Variants in REDIC1 observed in about 807,000 individuals in gnomAD.
The protein encoded by REDIC1 is HEI10 Interacting Protein 1.
At chr12:39,807,950 A>G in the REDIC1 span, among the ~76,000 whole-genome samples, 1 of 152,184 alleles carries the variant, frequency 6.6e-6, no homozygotes, top group African/African-American at 2.4e-5. Context: ...AATTCTTGGA[A>G]GTCAAGAAAT....
At chr12:39,629,549 C>G in the REDIC1 span, among the ~76,000 whole-genome samples, 1 of 152,074 alleles carries the variant, frequency 6.6e-6, no homozygotes, top group Non-Finnish European at 1.5e-5. Flanking sequence ...GGCATTTGAC[C>G]CTTTGCTGCT....
the REDIC1 span, among the ~76,000 whole-genome samples, chr12:39,675,551 A>G: frequency 2.0e-5 from 3 of 152,222 alleles, no homozygotes; most frequent in Admixed American, 2.0e-4. Flanking sequence ...CCAAAGAAGG[A>G]GAAAACAACA....
the REDIC1 span, among the ~76,000 whole-genome samples, chr12:39,671,954 G>T: frequency 2.0e-5 from 3 of 152,274 alleles, no homozygotes; most frequent in South Asian, 6.2e-4. Flanking sequence ...CAGGAGGTAT[G>T]CTTGGGCAGT....
the REDIC1 span, among the ~76,000 whole-genome samples, chr12:39,855,558 A>G: frequency 6.6e-6 from 1 of 152,198 alleles, no homozygotes; most frequent in African/African-American, 2.4e-5. Flanking sequence ...TGTGAGCTCC[A>G]TGAGGAGGAA....
At chr12:39,886,411 T>A in the REDIC1 span, among the ~76,000 whole-genome samples, 1 of 152,050 alleles carries the variant, frequency 6.6e-6, no homozygotes, top group Non-Finnish European at 1.5e-5. Flanking sequence ...CTTTCACAGC[T>A]GACAGCAAAA....
At chr12:39,785,027 T>C in the REDIC1 span, among the ~76,000 whole-genome samples, 1 of 152,168 alleles carries the variant, frequency 6.6e-6, no homozygotes, top group Non-Finnish European at 1.5e-5. Flanking sequence ...TGCAGCCTTA[T>C]GATGTAGTAG....
At chr12:39,749,304 A>C in the REDIC1 span, among the ~76,000 whole-genome samples, 1 of 152,214 alleles carries the variant, frequency 6.6e-6, no homozygotes, top group African/African-American at 2.4e-5. Flanking sequence ...CTACACAAAT[A>C]AACTAGAAAA....
chr12:39,667,006 T>C, the REDIC1 span, among the ~76,000 whole-genome samples: 3 of 149,488 alleles, frequency 2.0e-5, no homozygotes, highest in African/African-American at 7.3e-5. Context: ...GTTGATCTTT[T>C]CAAAAAACCA....
At chr12:39,829,713 TA>T in the REDIC1 span, 2 of 242,316 alleles carry the variant, frequency 8.3e-6, no homozygotes, top group African/African-American at 4.5e-5. Context: ...GTGCCCAACC[TA>T]ACGTGATAGT....
chr12:39,718,689 G>C, the REDIC1 span, among the ~76,000 whole-genome samples: 3 of 151,836 alleles, frequency 2.0e-5, no homozygotes, highest in Non-Finnish European at 4.4e-5. Flanking sequence ...CCTGGAATAG[G>C]GCACTTTTGT....
chr12:39,683,176 C>T, the REDIC1 span: 3 of 1,515,712 alleles, frequency 2.0e-6, no homozygotes, highest in Non-Finnish European at 2.7e-6. Context: ...ATTACATATT[C>T]TTTTTTTCTT....
At chr12:39,813,863 A>G in the REDIC1 span, among the ~76,000 whole-genome samples, 1 of 152,222 alleles carries the variant, frequency 6.6e-6, no homozygotes, top group East Asian at 1.9e-4. Context: ...GGCATTTTAA[A>G]ATTGGAGTTT....
At chr12:39,784,935 G>T in the REDIC1 span, among the ~76,000 whole-genome samples, 1 of 152,202 alleles carries the variant, frequency 6.6e-6, no homozygotes, top group Non-Finnish European at 1.5e-5. Flanking sequence ...TTTCTAAGCA[G>T]CAAAGCATTC....
chr12:39,754,340 G>T, the REDIC1 span: 1 of 152,094 alleles, frequency 6.6e-6, no homozygotes, highest in African/African-American at 2.4e-5. Context: ...CAGGTGAGTG[G>T]ACAATTTATG....
At chr12:39,692,110 T>A in the REDIC1 span, 4 of 1,562,138 alleles carry the variant, frequency 2.6e-6, no homozygotes, top group African/African-American at 4.1e-5. Flanking sequence ...ACTAAGAAAA[T>A]CTGTCAGTAT....
At chr12:39,779,447 A>G in the REDIC1 span, among the ~76,000 whole-genome samples, 3 of 152,216 alleles carry the variant, frequency 2.0e-5, no homozygotes, top group African/African-American at 7.2e-5. Context: ...TAGATAGTAA[A>G]CTTCAGTGAG....
the REDIC1 span, among the ~76,000 whole-genome samples, chr12:39,636,303 G>GT: frequency 1.3e-4 from 19 of 151,914 alleles, no homozygotes; most frequent in Middle Eastern, 6.8e-3. Flanking sequence ...TTGGTTTAAC[G>GT]TTTTTTTCCT....
the REDIC1 span, among the ~76,000 whole-genome samples, chr12:39,835,079 T>C: frequency 6.6e-6 from 1 of 152,088 alleles, no homozygotes. Context: ...TTTAAATACA[T>C]TGGCACAAAG....
At chr12:39,670,179 C>T in the REDIC1 span, among the ~76,000 whole-genome samples, 1 of 151,972 alleles carries the variant, frequency 6.6e-6, no homozygotes. Context: ...TCCTATTTGG[C>T]CATCTGAGTT....
Sources: gnomAD v4.1 joint callset for allele counts (sites outside exome capture counted in the v4.1 genomes callset) on GRCh38, gnomAD v4.1.1 for gene constraint, MANE v1.5 for transcripts, NCBI Gene and HGNC (gene_info 2026-07-23, HGNC 2026-07-21) for gene names.